Variants in ST6GALNAC3 observed in about 807,000 individuals in gnomAD.
ST6GALNAC3 encodes ST6 N-acetylgalactosaminide alpha-2,6-sialyltransferase 3.
Under a neutral mutation model 32.7 loss-of-function variants are expected in ST6GALNAC3, and 25 were observed. That is an observed-to-expected ratio of 0.76 (90% CI 0.56 to 1.07). The LOEUF (loss-of-function observed/expected upper bound fraction) is 1.07, where lower values mean the gene tolerates loss of function less well. Ranked by LOEUF, ST6GALNAC3 falls within the 50% of genes least tolerant of loss-of-function variation. The pLI is 0.00. For missense variants in ST6GALNAC3, 355 were observed against 382.4 expected (o/e 0.93, Z 0.60); for synonymous variants, 129 against 133.1 (o/e 0.97, Z 0.21).
At chr1:76,378,668 CAAA>C (rs60471587) in intron 2 of ST6GALNAC3, among the ~76,000 whole-genome samples, 13 of 148,070 alleles carry the variant, frequency 8.8e-5, no homozygotes, top group East Asian at 4.0e-4. Flanking sequence ...TTCCCCCCCC[CAAA>C]AAAAAAAATT....
At chr1:76,113,863 G>C (rs1015355451) in intron 1 of ST6GALNAC3, among the ~76,000 whole-genome samples, 4 of 151,306 alleles carry the variant, frequency 2.6e-5, no homozygotes, top group African/African-American at 9.7e-5. Context: ...TTTCGCTCTT[G>C]TCACCCAGCT....
At chr1:76,454,248 T>G (rs1002228572) in intron 3 of ST6GALNAC3, among the ~76,000 whole-genome samples, 5 of 152,186 alleles carry the variant, frequency 3.3e-5, no homozygotes, top group Non-Finnish European at 5.9e-5. Flanking sequence ...ACTCTTTACC[T>G]TTTATGTGGA....
intron 3 of ST6GALNAC3, among the ~76,000 whole-genome samples, chr1:76,594,430 C>T (rs1331463479): frequency 6.6e-6 from 1 of 152,144 alleles, no homozygotes; most frequent in Non-Finnish European, 1.5e-5. Context: ...ACTTTCAATA[C>T]CTTCTAAAGA....
At chr1:76,406,536 A>G (rs760356711) in intron 2 of ST6GALNAC3, among the ~76,000 whole-genome samples, 11 of 152,086 alleles carry the variant, frequency 7.2e-5, no homozygotes, top group Non-Finnish European at 1.6e-4. Context: ...GAAAATATCA[A>G]CAAAAACATT....
intron 1 of ST6GALNAC3, among the ~76,000 whole-genome samples, chr1:76,188,878 A>G (rs1653732596): frequency 6.6e-6 from 1 of 152,232 alleles, no homozygotes; most frequent in African/African-American, 2.4e-5. Context: ...AAGAAAATCC[A>G]CATATTAGTG....
chr1:76,577,874 T>A (rs1241953722), intron 3 of ST6GALNAC3, among the ~76,000 whole-genome samples: 2 of 152,070 alleles, frequency 1.3e-5, no homozygotes, highest in African/African-American at 4.8e-5. Context: ...AAAATTTCAA[T>A]ATGTTTAGTG....
At chr1:76,552,638 GC>G (rs1230748666) in intron 3 of ST6GALNAC3, among the ~76,000 whole-genome samples, 2 of 152,126 alleles carry the variant, frequency 1.3e-5, no homozygotes, top group Non-Finnish European at 2.9e-5. Flanking sequence ...TTTATGGTCT[GC>G]AGATTCCCAT....
chr1:76,173,651 C>T (rs1326769270), intron 1 of ST6GALNAC3, among the ~76,000 whole-genome samples: 1 of 151,824 alleles, frequency 6.6e-6, no homozygotes, highest in African/African-American at 2.4e-5. Flanking sequence ...AAGAAACAAA[C>T]AACTCCATCA....
At chr1:76,587,959 A>T (rs922687786) in intron 3 of ST6GALNAC3, among the ~76,000 whole-genome samples, 4 of 152,120 alleles carry the variant, frequency 2.6e-5, no homozygotes, top group African/African-American at 9.7e-5. Flanking sequence ...GCACTAGGGG[A>T]CCTATCCCTG....
At chr1:76,369,682 T>G (rs1175783494) in intron 2 of ST6GALNAC3, among the ~76,000 whole-genome samples, 1 of 152,194 alleles carries the variant, frequency 6.6e-6, no homozygotes, top group Non-Finnish European at 1.5e-5. Context: ...GTCTTCATTC[T>G]ACCCACTTCT....
chr1:76,604,076 G>A (rs114536547), intron 3 of ST6GALNAC3, among the ~76,000 whole-genome samples: 2 of 152,046 alleles, frequency 1.3e-5, no homozygotes, highest in Non-Finnish European at 2.9e-5. Flanking sequence ...TTGCAAAGTC[G>A]CAGTCCTTTG....
chr1:76,354,883 T>C (rs1391442102), intron 2 of ST6GALNAC3, among the ~76,000 whole-genome samples: 1 of 152,134 alleles, frequency 6.6e-6, no homozygotes, highest in African/African-American at 2.4e-5. Context: ...TAAAGCAAAA[T>C]GAAACTAGAC....
intron 3 of ST6GALNAC3, among the ~76,000 whole-genome samples, chr1:76,588,461 T>A (rs955436538): frequency 3.3e-5 from 5 of 152,128 alleles, no homozygotes; most frequent in African/African-American, 1.2e-4. Flanking sequence ...GAATTGAACT[T>A]CAAAACTAAT....
chr1:76,430,649 G>A (rs374027166), intron 3 of ST6GALNAC3, among the ~76,000 whole-genome samples: 2 of 151,910 alleles, frequency 1.3e-5, no homozygotes, highest in Middle Eastern at 3.4e-3. Context: ...TATTTTTCTC[G>A]CCCTGTATCT....
rs1649180522 is a variant in ST6GALNAC3 at position 76,629,431 on chromosome 1, T to C, written c.*625T>C. 1.0e-6 allele frequency: 1 copy of C among 985,568 alleles called. No homozygotes were observed. The highest frequency in any genetic ancestry group is 1.7e-5 in the African/African-American group (1 of 57,192). 61.1% of individuals were successfully genotyped at this position (985,568 alleles called of 1,614,324 possible). On this transcript the variant is annotated 3_prime_UTR_variant, in exon 5 of 5. Coordinates refer to ENST00000328299, the MANE Select transcript of ST6GALNAC3 (RefSeq NM_152996.4). ...TGGACATCCTACACTTCAGGATTAC[T>C]TGACTATCTCAAACACATAAATCAA... is the stretch of plus-strand genomic sequence containing the variant.
chr1:76,259,841 T>G (rs948576698), intron 1 of ST6GALNAC3, among the ~76,000 whole-genome samples: 1 of 152,112 alleles, frequency 6.6e-6, no homozygotes, highest in African/African-American at 2.4e-5. Context: ...TCCAAAAATT[T>G]AGAAACCCCT....
chr1:76,350,227 A>C (rs534158238), intron 2 of ST6GALNAC3, among the ~76,000 whole-genome samples: 1 of 152,102 alleles, frequency 6.6e-6, no homozygotes, highest in Non-Finnish European at 1.5e-5. Flanking sequence ...GGGTCTCCCT[A>C]TGTTGCCCAG....
At chr1:76,080,826 TTTA>T (rs1368143300) in intron 1 of ST6GALNAC3, among the ~76,000 whole-genome samples, 7 of 152,192 alleles carry the variant, frequency 4.6e-5, no homozygotes, top group Admixed American at 3.9e-4. Flanking sequence ...AGTCACTTCA[TTTA>T]ATAAATCTGC....
chr1:76,627,504 A>G lies in ST6GALNAC3; in HGVS notation c.676A>G (p.Met226Val). ...STGWFTFLLA[M>V]DACYGIHVYG... is the part of the protein sequence containing the mutation. The stretch of plus-strand genomic sequence containing the variant: ...AGGGTGGTTTACCTTCCTTCTGGCC[A>G]TGGACGCCTGTTATGGCATTCACGT... The change falls in exon 4 of 5, where the codon ATG (methionine) becomes GTG (valine). Residue 226 changes from methionine to valine, a missense_variant. By Grantham distance (21) the Met-to-Val change is conservative. Transcript: ENST00000328299. 3 of 1,612,754 alleles carry G rather than the reference A, an allele frequency of 1.9e-6. No individual in the cohort carries two copies. Among genetic ancestry groups the G allele is most frequent in the Non-Finnish European group, 2.5e-6 (3 of 1,179,082 alleles).
Sources: allele counts gnomAD v4.1 joint callset (sites outside exome capture counted in the v4.1 genomes callset), GRCh38; gene constraint gnomAD v4.1.1; transcripts MANE v1.5; gene names NCBI Gene and HGNC (gene_info 2026-07-23, HGNC 2026-07-21).